GPAM: variants seen among roughly 807,000 people sequenced by gnomAD.
The protein encoded by GPAM is glycerol-3-phosphate acyltransferase 1, mitochondrial.
Under a neutral mutation model 105.0 loss-of-function variants are expected in GPAM, and 56 were observed. That is an observed-to-expected ratio of 0.53 (90% CI 0.43 to 0.67). The LOEUF is 0.67. Ranked by LOEUF, GPAM falls within the 30% of genes least tolerant of loss-of-function variation. GPAM has a pLI of 0.00. For missense variants in GPAM, 855 were observed against 989.8 expected (o/e 0.86, Z 1.83); for synonymous variants, 368 against 354.4 (o/e 1.04, Z -0.43).
At chr10:112,154,866 A>T in intron 20 of GPAM, 179 bp from the exon 21 acceptor site, 1 of 666,804 alleles carries the variant, frequency 1.5e-6, no homozygotes, top group Middle Eastern at 2.6e-4. Flanking sequence ...CTTGCTGTTA[A>T]ACCTACTTTG....
chr10:112,223,097 C>G, the GPAM span, among the ~76,000 whole-genome samples: 4 of 152,282 alleles, frequency 2.6e-5, no homozygotes, highest in African/African-American at 4.8e-5. Flanking sequence ...AGTCTGGCAG[C>G]CTTTCTCAGA....
rs373847484 is a variant in GPAM, at chr10:112,175,689, G to C, written c.324C>G (p.Arg108=). ...CTTGAATAAAAAGAACGTAAGAAAG[G>C]CGTCTTGCAAGCCATCCGCGGTGTC... The part of the protein sequence containing the change: ...HTRHRGWLAR[R]LSYVLFIQER... The change falls in exon 6 of 22, where the codon CGC becomes CGG. Residue 108 remains arginine (R), a synonymous_variant. Coordinates refer to ENST00000348367, the MANE Select transcript of GPAM (RefSeq NM_001244949.2). The C allele has an allele frequency of 2.3e-5, 37 of 1,612,474 alleles. No homozygotes were observed. In the East Asian group the frequency reaches 2.5e-4, roughly 11 times the overall value.
At chr10:112,201,547 T>C (rs1847797107) in intron 1 of GPAM, among the ~76,000 whole-genome samples, 1 of 152,206 alleles carries the variant, frequency 6.6e-6, no homozygotes, top group South Asian at 2.1e-4. Context: ...CATCACTGGC[T>C]CAGAGACTGT....
intron 12 of GPAM, among the ~76,000 whole-genome samples, chr10:112,165,916 C>A (rs961410654): frequency 6.6e-6 from 1 of 151,736 alleles, no homozygotes; most frequent in African/African-American, 2.4e-5. Flanking sequence ...TTTTGGGGTA[C>A]ATGTGATATT....
the GPAM span, among the ~76,000 whole-genome samples, chr10:112,220,445 T>C: frequency 1.3e-5 from 2 of 152,184 alleles, no homozygotes; most frequent in African/African-American, 4.8e-5. Flanking sequence ...TACTCATATA[T>C]AACTGTGAGA....
At chr10:112,159,016 A>G (rs1323457813) in intron 17 of GPAM, among the ~76,000 whole-genome samples, 1 of 152,184 alleles carries the variant, frequency 6.6e-6, no homozygotes, top group East Asian at 1.9e-4. Context: ...ACACATTCAT[A>G]CAAAAGAAAA....
At chr10:112,186,137 A>AG (rs1847593427), upstream of GPAM, among the ~76,000 whole-genome samples, 1 of 151,950 alleles carries the variant, frequency 6.6e-6, no homozygotes, top group Non-Finnish European at 1.5e-5. Context: ...GCTATCAGAG[A>AG]GAAAAAAAAA....
intron 7 of GPAM, 23 bp from the exon 8 acceptor site, chr10:112,173,089 A>C: frequency 7.6e-7 from 1 of 1,310,826 alleles, no homozygotes; most frequent in South Asian, 1.2e-5. Flanking sequence ...ACAAACAAAA[A>C]AAACAACATA....
intron 1 of GPAM, among the ~76,000 whole-genome samples, chr10:112,183,358 C>T (rs920726645): frequency 2.0e-5 from 3 of 152,222 alleles, no homozygotes; most frequent in Non-Finnish European, 4.4e-5. Flanking sequence ...TCAGAGTACC[C>T]CTTACTGCCT....
chr10:112,172,781 G>C (rs1025886158), intron 8 of GPAM, among the ~76,000 whole-genome samples, 189 bp downstream of exon 8: 5 of 152,144 alleles, frequency 3.3e-5, no homozygotes, highest in Non-Finnish European at 5.9e-5. Context: ...CCTGCATATT[G>C]CTAGTAAGTA....
At position 112,151,563 on chromosome 10, in the gene GPAM, A is replaced by G. The variant is rs1846919610; in HGVS notation, c.*1987T>C. 2.0e-6 allele frequency: 2 copies of G among 985,720 alleles called. No individual in the cohort carries two copies. The highest frequency in any genetic ancestry group is 2.4e-6 in the Non-Finnish European group (2 of 829,918). The allele number at this position is 985,720 out of a possible 1,614,324, so 61.1% of individuals were successfully genotyped here. On this transcript the variant is annotated 3_prime_UTR_variant, in exon 22 of 22. Transcript: ENST00000348367. ...CCCCAAAGCATCTGAACGTACTTCT[A>G]GAAAACAAACCAACCAAAAGGGAAA...
Position 112,164,552 on chromosome 10 carries a change from G to T in GPAM, c.1280C>A (p.Ala427Glu). The T allele has an allele frequency of 6.2e-7, 1 of 1,602,068 alleles. No individual in the cohort carries two copies. Among genetic ancestry groups the T allele is most frequent in the Non-Finnish European group, 8.6e-7 (1 of 1,169,106 alleles). Residue 427 changes from alanine (A) to glutamate (E), a missense_variant, in exon 13 of 22, where the codon GCG (alanine) becomes GAG (glutamate). Transcript: ENST00000348367. The part of the protein sequence containing the change: ...PVSALLSLEQ[A>E]LLPAILPSRP... The stretch of plus-strand genomic sequence containing the variant: ...TGAAGGAAGTATAGCTGGTAACAAC[G>T]CTTGCTCCAGGGAAAGTAGAGCAGA...
chr10:112,175,993 C>T (rs1210612786), intron 5 of GPAM, among the ~76,000 whole-genome samples: 3 of 152,134 alleles, frequency 2.0e-5, no homozygotes, highest in Non-Finnish European at 4.4e-5. Flanking sequence ...GAAATAAGAA[C>T]ATCTGGCTTT....
At chr10:112,165,600 GA>G (rs745886285) in intron 12 of GPAM, among the ~76,000 whole-genome samples, 16 of 152,122 alleles carry the variant, frequency 1.1e-4, no homozygotes, top group Non-Finnish European at 2.2e-4. Context: ...TGACGCAGGA[GA>G]ATTGCTTGAA....
chr10:112,152,397 A>C lies in GPAM; in HGVS notation c.*1153T>G. ...TAAGGGTTTAGGCATATAACCCATA[A>C]AAATTTGTTAAAAGTCATGGTTTTT... On this transcript the variant is annotated 3_prime_UTR_variant, in exon 22 of 22. Transcript: ENST00000348367. 2 of 985,218 alleles carry C rather than the reference A, an allele frequency of 2.0e-6. No individual in the cohort carries two copies. The highest frequency in any genetic ancestry group is 2.4e-6 in the Non-Finnish European group (2 of 829,728). 61.0% of individuals were successfully genotyped at this position (985,218 alleles called of 1,614,324 possible). A position where few individuals can be genotyped will look rare whatever the true frequency, so the allele number is the denominator to read the frequency against.
At chr10:112,199,953 T>C (rs1419652393) in intron 1 of GPAM, among the ~76,000 whole-genome samples, 2 of 151,946 alleles carry the variant, frequency 1.3e-5, no homozygotes, top group East Asian at 1.9e-4. Context: ...CCAAACCATA[T>C]AAGTATACAT....
intron 2 of GPAM, among the ~76,000 whole-genome samples, chr10:112,182,068 T>C (rs1847519345): frequency 6.6e-6 from 1 of 152,200 alleles, no homozygotes; most frequent in East Asian, 1.9e-4. Flanking sequence ...GATACAACAT[T>C]GTATCCTTTG....
rs1387340534 is a variant in GPAM at position 112,152,623 on chromosome 10, C to A, written c.*927G>T. On this transcript the variant is annotated 3_prime_UTR_variant, in exon 22 of 22. Coordinates refer to ENST00000348367, the MANE Select transcript of GPAM (RefSeq NM_001244949.2). ...GAACTGTATTCTAACAGTCTGTCAG[C>A]TCAAGCTAATCAAGTTAGGAAAACT... The A allele has an allele frequency of 1.0e-6, 1 of 985,222 alleles. No individual in the cohort carries two copies. The highest frequency in any genetic ancestry group is 1.7e-5 in the African/African-American group (1 of 57,228). 61.0% of individuals were successfully genotyped at this position (985,222 alleles called of 1,614,324 possible).
At chr10:112,219,131 G>A (rs1422334987), upstream of GPAM, among the ~76,000 whole-genome samples, 2 of 152,316 alleles carry the variant, frequency 1.3e-5, no homozygotes, top group East Asian at 1.9e-4. Context: ...ACTCAGGGAC[G>A]ACAAATGTGG....
Sources: gnomAD v4.1 joint callset for allele counts (sites outside exome capture counted in the v4.1 genomes callset) on GRCh38, gnomAD v4.1.1 for gene constraint, MANE v1.5 for transcripts, NCBI Gene and HGNC (gene_info 2026-07-23, HGNC 2026-07-21) for gene names.